ZDHHC18: variants seen among roughly 807,000 people sequenced by gnomAD.
The protein encoded by ZDHHC18 is palmitoyltransferase ZDHHC18.
Under a neutral mutation model 37.5 loss-of-function variants are expected in ZDHHC18, and 23 were observed. The ratio of observed to expected loss-of-function variants is 0.61; its 90% CI spans 0.44 to 0.87. The LOEUF is 0.87. ZDHHC18 is among the 40% of genes least tolerant of loss of function. The pLI is 0.00. For synonymous variants in ZDHHC18, 185 were observed against 218.7 expected (o/e 0.85, Z 1.36); for missense variants, 406 against 525.6 (o/e 0.77, Z 2.22).
intron 2 of ZDHHC18, among the ~76,000 whole-genome samples, chr1:26,845,910 A>G (rs926477806): frequency 1.3e-4 from 19 of 151,676 alleles, no homozygotes; most frequent in Admixed American, 5.3e-4. Context: ...CACAGGCATG[A>G]GCAACCATGC....
rs979762814 is a variant in ZDHHC18 at position 26,857,398 on chromosome 1, A to G, written c.*3555A>G. The G allele has an allele frequency of 6.6e-6, 1 of 152,174 alleles. No individual in the cohort carries two copies. Among genetic ancestry groups the G allele is most frequent in the Non-Finnish European group, 1.5e-5 (1 of 68,082 alleles). The allele number at this position is 152,174 out of a possible 1,614,324, so 9.4% of individuals were successfully genotyped here. A position where few individuals can be genotyped will look rare whatever the true frequency, so the allele number is the denominator to read the frequency against. On this transcript the variant is annotated 3_prime_UTR_variant, in exon 8 of 8. Coordinates refer to ENST00000374142, the MANE Select transcript of ZDHHC18 (RefSeq NM_032283.3). ...CCCCCAACCCTCCACCAGAGTAGGT[A>G]GGATGTAGGGAGGGTGCGTGCCTCC...
chr1:26,828,365 C>A (rs1222252037), intron 1 of ZDHHC18, among the ~76,000 whole-genome samples: 1 of 152,024 alleles, frequency 6.6e-6, no homozygotes, highest in Non-Finnish European at 1.5e-5. Context: ...GTCACTTCAC[C>A]CCCTCAGTGC....
intron 2 of ZDHHC18, among the ~76,000 whole-genome samples, chr1:26,838,834 C>CTGGT (rs1281844352): frequency 6.6e-6 from 1 of 152,260 alleles, no homozygotes; most frequent in Admixed American, 6.5e-5. Flanking sequence ...AGCACTAAGC[C>CTGGT]TGGTATGTGG....
rs1366767045 is a variant in ZDHHC18 at position 26,852,879 on chromosome 1, G to C, written c.1049+14G>C. The C allele has an allele frequency of 6.2e-7, 1 of 1,612,140 alleles. No individual in the cohort carries two copies. The highest frequency in any genetic ancestry group is 8.5e-7 in the Non-Finnish European group (1 of 1,178,580). On this transcript the variant is annotated intron_variant, in intron 7 of 7. Transcript: ENST00000374142. ...CCTACCTCCCAGGTAAGTGAGCGGG[G>C]TGCGGAAGAGGGGTAACAGGGCCAT...
At chr1:26,852,944 C>G in intron 7 of ZDHHC18, 79 bp downstream of exon 7, 2 of 1,312,784 alleles carry the variant, frequency 1.5e-6, no homozygotes, top group South Asian at 2.5e-5. Flanking sequence ...TATCAGCCGA[C>G]CTCCCCCTAC....
intron 2 of ZDHHC18, among the ~76,000 whole-genome samples, chr1:26,837,284 T>A (rs1191123871): frequency 6.8e-6 from 1 of 146,878 alleles, no homozygotes; most frequent in Non-Finnish European, 1.5e-5. Flanking sequence ...ATATAAAATA[T>A]ACATTTATAT....
chr1:26,853,478 C>T (rs2081717367), intron 7 of ZDHHC18, among the ~76,000 whole-genome samples: 1 of 152,216 alleles, frequency 6.6e-6, no homozygotes, highest in South Asian at 2.1e-4. Flanking sequence ...TTCTTGGCAG[C>T]CAGACAGGTG....
intron 7 of ZDHHC18, chr1:26,853,108 C>G (rs2081715129): frequency 2.4e-6 from 1 of 421,520 alleles, no homozygotes; most frequent in Non-Finnish European, 4.3e-6. Context: ...ACATGTAATT[C>G]TACTCCCCGG....
chr1:26,856,482 GA>G lies in ZDHHC18; in HGVS notation c.*2641del. ...AAGCCCAGCCCCATTGTGGACTGAGGAAGTAGCTTCTCGCAGAGCAGCTCTC... is the reference window on the plus strand; with the variant it reads ...AAGCCCAGCCCCATTGTGGACTGAGGAGTAGCTTCTCGCAGAGCAGCTCTC... On this transcript the variant is annotated 3_prime_UTR_variant, in exon 8 of 8. Coordinates refer to ENST00000374142, the MANE Select transcript of ZDHHC18 (RefSeq NM_032283.3). This position sits in a 1 kb window ranked among gnomAD's most constrained non-coding sequence, Gnocchi z 5.2. 4.0e-6 allele frequency: 1 copy of G among 248,416 alleles called. No individual in the cohort carries two copies. The highest frequency in any genetic ancestry group is 9.2e-5 in the East Asian group (1 of 10,880). The allele number at this position is 248,416 out of a possible 1,614,324, so 15.4% of individuals were successfully genotyped here. A position where few individuals can be genotyped will look rare whatever the true frequency, so the allele number is the denominator to read the frequency against.
At chr1:26,843,118 T>G (rs2081646510) in intron 2 of ZDHHC18, among the ~76,000 whole-genome samples, 1 of 151,950 alleles carries the variant, frequency 6.6e-6, no homozygotes, top group South Asian at 2.1e-4. Context: ...TACTTAAGTC[T>G]TTCCTTTTTT....
chr1:26,832,406 C>T, intron 1 of ZDHHC18, 41 bp from the exon 2 acceptor site: 1 of 1,611,374 alleles, frequency 6.2e-7, no homozygotes, highest in Non-Finnish European at 8.5e-7. Context: ...CGCAGGGAGC[C>T]CTTGGGGTGT....
rs1401731613 is a variant in ZDHHC18, at chr1:26,856,657, TTCTCTCACCCGCCCG to T, written c.*2816_*2830del. 2 of 154,784 alleles carry T rather than the reference TTCTCTCACCCGCCCG, an allele frequency of 1.3e-5. No homozygotes were observed. Among genetic ancestry groups the T allele is most frequent in the Non-Finnish European group, 2.9e-5 (2 of 69,712 alleles). 9.6% of individuals were successfully genotyped at this position (154,784 alleles called of 1,614,324 possible). A position where few individuals can be genotyped will look rare whatever the true frequency, so the allele number is the denominator to read the frequency against. On this transcript the variant is annotated 3_prime_UTR_variant, in exon 8 of 8. Transcript: ENST00000374142. The surrounding 1 kb of genome is among the most constrained non-coding windows in gnomAD (Gnocchi z 5.2). Reference sequence around the variant, plus strand: ...CCTGGCTTTCTGTCCCCGCTGAGCTTTCTCTCACCCGCCCGTTTTCTCTCCTGCTTCATTGCCTGC... The same window carrying T: ...CCTGGCTTTCTGTCCCCGCTGAGCTTTTTTCTCTCCTGCTTCATTGCCTGC...
In ZDHHC18 at chr1:26,826,938, C is replaced by T. The variant is rs1416541030; in HGVS notation, c.134C>T (p.Pro45Leu). ...PGPAPPAAPAPPRWSSSGSGS... is the reference protein window; with the variant it reads ...PGPAPPAAPALPRWSSSGSGS... The stretch of plus-strand genomic sequence containing the variant: ...CCCGCGCCGCCCGCCGCCCCCGCCC[C>T]GCCGCGCTGGAGCAGCAGCGGCAGC... Residue 45 changes from proline to leucine, a missense_variant, in exon 1 of 8, where the codon CCG becomes CTG. Pro to Leu is a moderately conservative substitution (Grantham distance 98). Transcript: ENST00000374142. This position sits in a 1 kb window ranked among gnomAD's most constrained non-coding sequence, Gnocchi z 5.2. The T allele has an allele frequency of 8.8e-7, 1 of 1,132,440 alleles. No individual in the cohort carries two copies. The highest frequency in any genetic ancestry group is 1.1e-6 in the Non-Finnish European group (1 of 924,600). The allele number at this position is 1,132,440 out of a possible 1,614,324, so 70.1% of individuals were successfully genotyped here.
At chr1:26,839,242 T>C (rs1316902815) in intron 2 of ZDHHC18, among the ~76,000 whole-genome samples, 1 of 152,250 alleles carries the variant, frequency 6.6e-6, no homozygotes, top group Non-Finnish European at 1.5e-5. Flanking sequence ...AGGAGGGCCT[T>C]GCTGGCATAA....
intron 2 of ZDHHC18, among the ~76,000 whole-genome samples, chr1:26,835,973 G>A (rs2081609612): frequency 6.6e-6 from 1 of 152,122 alleles, no homozygotes; most frequent in African/African-American, 2.4e-5. Context: ...AGTTTACCCA[G>A]GACCACCTGG....
Position 26,850,873 on chromosome 1 carries a change from G to A in ZDHHC18, c.834-256G>A, listed in dbSNP as rs549077640. Among the ~76,000 whole-genome samples, 1 of 152,298 alleles carries A rather than the reference G, an allele frequency of 6.6e-6. No individual in the cohort carries two copies. Among genetic ancestry groups the A allele is most frequent in the Admixed American group, 6.5e-5 (1 of 15,302 alleles). ...GCTCCCTGGACCGTGTCGTGCCCAA[G>A]GCTCTTTGTGATTGGAACCCTCAGT... On this transcript the variant is annotated intron_variant, in intron 5 of 7. Transcript: ENST00000374142. This position sits in a 1 kb window ranked among gnomAD's most constrained non-coding sequence, Gnocchi z 6.1.
chr1:26,851,927 T>C (rs1253496582), intron 6 of ZDHHC18, among the ~76,000 whole-genome samples: 1 of 152,184 alleles, frequency 6.6e-6, no homozygotes, highest in Non-Finnish European at 1.5e-5. Context: ...TGACTTCTCC[T>C]CCCCATCCTC....
At chr1:26,833,927 G>C (rs2081599229) in intron 2 of ZDHHC18, among the ~76,000 whole-genome samples, 1 of 152,142 alleles carries the variant, frequency 6.6e-6, no homozygotes, top group African/African-American at 2.4e-5. Context: ...TCTGGGCTCT[G>C]TCTGCTCTTT....
chr1:26,828,067 C>T (rs909596672), intron 1 of ZDHHC18, among the ~76,000 whole-genome samples: 1 of 152,126 alleles, frequency 6.6e-6, no homozygotes, highest in African/African-American at 2.4e-5. Flanking sequence ...CTCTTCATAT[C>T]CCCCGGTGAC....
Sources: allele counts gnomAD v4.1 joint callset (sites outside exome capture counted in the v4.1 genomes callset), GRCh38; gene constraint gnomAD v4.1.1; non-coding constraint Gnocchi (gnomAD v3.1); transcripts MANE v1.5; gene names NCBI Gene and HGNC (gene_info 2026-07-23, HGNC 2026-07-21).